The following SPTB variants were observed in gnomAD, a reference collection of about 807,000 sequenced individuals.
The protein encoded by SPTB is spectrin beta, erythrocytic.
SPTB carries 45 observed loss-of-function variants against 256.2 expected under a neutral mutation model. The observed-to-expected ratio is 0.18, with a 90% CI of 0.14 to 0.23. The LOEUF is 0.23. SPTB is among the 10% of genes least tolerant of loss of function. The pLI is 1.00. For synonymous variants in SPTB, 1,231 were observed against 1,243.1 expected, an observed-to-expected ratio of 0.99 and a Z score of 0.21; for missense variants, 2,715 against 3,040.4, an observed-to-expected ratio of 0.89 and a Z score of 2.52.
chr14:64,765,819 T>C (rs1199593704), intron 32 of SPTB, among the ~76,000 whole-genome samples: 1 of 138,826 alleles, frequency 7.2e-6, no homozygotes, highest in Non-Finnish European at 1.5e-5. Flanking sequence ...TGTGTGTGTG[T>C]GAGTGTGTGT....
At chr14:64,870,819 G>C (rs1203898735) in intron 1 of SPTB, among the ~76,000 whole-genome samples, 1 of 152,214 alleles carries the variant, frequency 6.6e-6, no homozygotes, top group Non-Finnish European at 1.5e-5. Flanking sequence ...GTCTCAAGGA[G>C]ATATCTGCCC....
intron 15 of SPTB, 26 bp downstream of exon 15, chr14:64,791,693 C>G (rs201887184): frequency 2.9e-5 from 47 of 1,613,988 alleles, no homozygotes; most frequent in Non-Finnish European, 3.4e-5. Context: ...ACAATGCCCC[C>G]GCCCCATGCC....
Position 64,749,256 on chromosome 14 carries a change from T to G in SPTB, c.*50A>C. On this transcript the variant is annotated 3_prime_UTR_variant, in exon 36 of 36. Coordinates refer to ENST00000644917, the MANE Select transcript of SPTB (RefSeq NM_001355436.2). The surrounding 1 kb of genome is among the most constrained non-coding windows in gnomAD (Gnocchi z 4.7). ...GGCGAGAGGAGGCCAAGGCCTGGGC[T>G]GCCCGGTCTCTGCGCGTCCCGACTC... 2 of 1,537,642 alleles carry G rather than the reference T, an allele frequency of 1.3e-6. No homozygotes were observed. Among genetic ancestry groups the G allele is most frequent in the Non-Finnish European group, 1.7e-6 (2 of 1,146,706 alleles).
intron 1 of SPTB, among the ~76,000 whole-genome samples, chr14:64,830,376 A>ATT (rs869196759): frequency 6.2e-5 from 2 of 32,050 alleles, no homozygotes; most frequent in Non-Finnish European, 1.1e-4. Context: ...TATTATTATT[A>ATT]TTATTTTATT....
rs1218084021 is a variant in SPTB at position 64,767,717 on chromosome 14, C to T, written c.6165G>A (p.Glu2055=). The part of the protein sequence containing the change: ...EKLIKRHEAF[E]KSTASWAERF... ...GCTCTGCCCAGCTGGCCGTGGACTTCTCAAAAGCCTCATGCCTCTTGATGA... is the reference window on the plus strand; with the variant it reads ...GCTCTGCCCAGCTGGCCGTGGACTTTTCAAAAGCCTCATGCCTCTTGATGA... The change falls in exon 30 of 36, where the codon GAG becomes GAA. Residue 2055 remains glutamate, a synonymous_variant. Transcript: ENST00000644917. 4 of 1,614,114 alleles carry T rather than the reference C, an allele frequency of 2.5e-6. No individual in the cohort carries two copies. The highest frequency in any genetic ancestry group is 1.7e-6 in the Non-Finnish European group (2 of 1,180,044).
chr14:64,820,231 C>T (rs988835916), intron 2 of SPTB, among the ~76,000 whole-genome samples: 8 of 152,058 alleles, frequency 5.3e-5, no homozygotes, highest in Non-Finnish European at 1.2e-4. Flanking sequence ...TGAAAGACAC[C>T]CCTGCCTAGG....
At chr14:64,770,407 TGACACA>T (rs2082261030) in intron 27 of SPTB, among the ~76,000 whole-genome samples, 2 of 152,138 alleles carry the variant, frequency 1.3e-5, no homozygotes. Context: ...ACTGATGAAG[TGACACA>T]GACTGGGCAG....
chr14:64,842,069 G>A (rs1047262792), intron 1 of SPTB, among the ~76,000 whole-genome samples: 2 of 152,224 alleles, frequency 1.3e-5, no homozygotes, highest in Non-Finnish European at 2.9e-5. Context: ...TTCTTAAAGT[G>A]GCCTGATTCC....
chr14:64,750,081 G>C lies in SPTB; in HGVS notation c.6676C>G (p.Leu2226Val), dbSNP rs773116395. 6.2e-7 allele frequency: 1 copy of C among 1,614,186 alleles called. No individual in the cohort carries two copies. The highest frequency in any genetic ancestry group is 8.5e-7 in the Non-Finnish European group (1 of 1,180,034). The stretch of plus-strand genomic sequence containing the variant: ...TCCTCCCCATGGTAGGGCATCCCCA[G>C]GGCCAGGTTCTTGGCATCCTTGTAG... ...TFYKDAKNLA[L>V]GMPYHGEEPL... The change falls in exon 34 of 36, where the codon CTG becomes GTG. Residue 2226 changes from leucine (L) to valine (V), a missense_variant. Around this residue, in one of 4 missense-constraint regions of SPTB, gnomAD observed 2,239 missense variants for 2,384.4 expected, o/e 0.94. Coordinates refer to ENST00000644917, the MANE Select transcript of SPTB (RefSeq NM_001355436.2).
Position 64,859,680 on chromosome 14 carries a change from GTCTC to G in SPTB, c.-52+20108_-52+20111del, listed in dbSNP as rs879270083. ...GATCACTTGAGCCCAGGGAGACTCTGTCTCTCTCTCTCTGTCTCTCTCTCTCTCT... is the reference window on the plus strand; with the variant it reads ...GATCACTTGAGCCCAGGGAGACTCTGTCTCTCTCTGTCTCTCTCTCTCTCT... On this transcript the variant is annotated intron_variant, in intron 1 of 35. Coordinates refer to ENST00000644917, the MANE Select transcript of SPTB (RefSeq NM_001355436.2). Among the ~76,000 whole-genome samples the G allele has an allele frequency of 7.0e-3, 927 of 132,868 alleles. 5 individuals are homozygous for G. The highest frequency in any genetic ancestry group is 0.011 in the Middle Eastern group (3 of 276). 87.2% of individuals were successfully genotyped at this position (132,868 alleles called of 152,430 possible). A position where few individuals can be genotyped will look rare whatever the true frequency, so the allele number is the denominator to read the frequency against.
rs1213208982 is a variant in SPTB at position 64,760,332 on chromosome 14, G to T, written c.6345+6394C>A. On this transcript the variant is annotated intron_variant, in intron 32 of 35. Transcript: ENST00000644917. This position sits in a 1 kb window ranked among gnomAD's most constrained non-coding sequence, Gnocchi z 4.3. ...AAATGTCTTCTCCGGGCCAAAGGAG[G>T]TGAAGGTGTATGTCCAGGCTCAACC... Among the ~76,000 whole-genome samples the T allele has an allele frequency of 6.6e-6, 1 of 152,152 alleles. No individual in the cohort carries two copies. Among genetic ancestry groups the T allele is most frequent in the Non-Finnish European group, 1.5e-5 (1 of 68,020 alleles).
In SPTB at chr14:64,767,622, T is replaced by A. The variant is rs202225559; in HGVS notation, c.6219+41A>T. The A allele has an allele frequency of 3.7e-6, 6 of 1,610,904 alleles. No homozygotes were observed. In the African/African-American group the frequency reaches 8.0e-5, roughly 21 times the overall value. On this transcript the variant is annotated intron_variant, in intron 30 of 35. Transcript: ENST00000644917. ...TTACATGAGACCCCTGGGGGCACAG[T>A]TGCCACCCTCCTGAGCCTCCCAGCA...
chr14:64,827,962 T>C lies in SPTB; in HGVS notation c.-51-4817A>G, dbSNP rs930120723. Among the ~76,000 whole-genome samples, 7 of 152,154 alleles carry C rather than the reference T, an allele frequency of 4.6e-5. No individual in the cohort carries two copies. The highest frequency in any genetic ancestry group is 1.4e-4 in the African/African-American group (6 of 41,430). On this transcript the variant is annotated intron_variant, in intron 1 of 35. Coordinates refer to ENST00000644917, the MANE Select transcript of SPTB (RefSeq NM_001355436.2). The surrounding 1 kb of genome is among the most constrained non-coding windows in gnomAD (Gnocchi z 4.6). ...TCCAGTCGATGGACACCACCAGCAG[T>C]TCCTGGACAAGCCACTTCCCCTCCC...
rs2082759073 is a variant in SPTB at position 64,795,832 on chromosome 14, G to T, written c.1342-193C>A. 6.6e-6 allele frequency among the ~76,000 whole-genome samples: 1 copy of T among 152,176 alleles called. No homozygotes were observed. Among genetic ancestry groups the T allele is most frequent in the Non-Finnish European group, 1.5e-5 (1 of 68,032 alleles). On this transcript the variant is annotated intron_variant, in intron 11 of 35. Transcript: ENST00000644917. This position sits in a 1 kb window ranked among gnomAD's most constrained non-coding sequence, Gnocchi z 6.5. Reference sequence around the variant, plus strand: ...TTCCAAAAATTAATGTCTCACAAGAGACTCTAAGAGAAGTTCATGATTTTA... The same window carrying T: ...TTCCAAAAATTAATGTCTCACAAGATACTCTAAGAGAAGTTCATGATTTTA...
At chr14:64,840,497 G>A (rs79931375) in intron 1 of SPTB, among the ~76,000 whole-genome samples, 391 of 152,318 alleles carry the variant, frequency 2.6e-3, no homozygotes, top group Non-Finnish European at 4.5e-3. Flanking sequence ...GGTTAAATAC[G>A]TAATCCAGAA....
intron 2 of SPTB, among the ~76,000 whole-genome samples, chr14:64,815,273 C>A (rs1318874489): frequency 3.1e-5 from 2 of 65,334 alleles, no homozygotes; most frequent in Non-Finnish European, 5.5e-5. Context: ...AGGGGCATCT[C>A]CCATGAAGCG....
At chr14:64,813,075 C>T (rs531251962) in intron 2 of SPTB, among the ~76,000 whole-genome samples, 2 of 152,238 alleles carry the variant, frequency 1.3e-5, no homozygotes, top group East Asian at 1.9e-4. Flanking sequence ...AAACCTATAT[C>T]CTAATGCTGG....
intron 2 of SPTB, among the ~76,000 whole-genome samples, chr14:64,810,653 C>T (rs142875138): frequency 6.6e-6 from 1 of 152,176 alleles, no homozygotes; most frequent in South Asian, 2.1e-4. Context: ...GTGCTCCAGC[C>T]TGGGTGACAG....
At chr14:64,755,154 G>A (rs1204745846) in intron 32 of SPTB, 2 of 152,348 alleles carry the variant, frequency 1.3e-5, no homozygotes, top group Non-Finnish European at 2.9e-5. Context: ...GGAGGAGAGG[G>A]AAGGAGCCAG....
Sources: gnomAD v4.1 joint callset for allele counts (sites outside exome capture counted in the v4.1 genomes callset) on GRCh38, gnomAD v4.1.1 for gene constraint, gnomAD v4.1.1 regional missense constraint, Gnocchi (gnomAD v3.1) non-coding constraint, MANE v1.5 for transcripts, NCBI Gene and HGNC (gene_info 2026-07-23, HGNC 2026-07-21) for gene names.